SIPA1L3: variants seen among roughly 807,000 people sequenced by gnomAD.
SIPA1L3 encodes the protein signal-induced proliferation-associated 1-like protein 3.
Under a neutral mutation model 150.1 loss-of-function variants are expected in SIPA1L3, and 59 were observed. The ratio of observed to expected loss-of-function variants is 0.39; its 90% CI spans 0.32 to 0.49. SIPA1L3 has a LOEUF of 0.49. Ranked by LOEUF, SIPA1L3 falls within the 20% of genes least tolerant of loss-of-function variation. The pLI is 0.86. For synonymous variants in SIPA1L3, 1,070 were observed against 1,077.6 expected, an observed-to-expected ratio of 0.99 and a Z score of 0.14; for missense variants, 2,211 against 2,489.5, an observed-to-expected ratio of 0.89 and a Z score of 2.38.
intron 16 of SIPA1L3, chr19:38,185,856 G>T (rs1972665170): frequency 6.6e-6 from 1 of 152,108 alleles, no homozygotes; most frequent in East Asian, 1.9e-4. Context: ...GTCACATTTG[G>T]AGATGCTGGG....
At chr19:38,165,195 T>C (rs925124616) in intron 15 of SIPA1L3, among the ~76,000 whole-genome samples, 6 of 152,216 alleles carry the variant, frequency 3.9e-5, no homozygotes, top group Non-Finnish European at 5.9e-5. Flanking sequence ...TGCTCTCTGC[T>C]GATACCAAAA....
Position 38,204,214 on chromosome 19 carries a change from G to A in SIPA1L3, c.5202+6G>A, listed in dbSNP as rs1325446316. 23 of 1,552,716 alleles carry A rather than the reference G, an allele frequency of 1.5e-5. No homozygotes were observed. The Admixed American group carries it at 3.9e-4, about 26-fold the overall frequency. ...TGCACACTGACCTGCAGAAGGTAAG[G>A]CCGGGGGCCACGCCCTCTCCATCCC... On this transcript the variant is annotated splice_donor_region_variant and intron_variant, in intron 21 of 21. Transcript: ENST00000222345.
At chr19:38,136,745 GC>G (rs1370596741) in intron 10 of SIPA1L3, among the ~76,000 whole-genome samples, 1 of 152,222 alleles carries the variant, frequency 6.6e-6, no homozygotes, top group African/African-American at 2.4e-5. Flanking sequence ...CTGGGATGGG[GC>G]CCAGGAATCT....
intron 18 of SIPA1L3, among the ~76,000 whole-genome samples, chr19:38,196,950 T>C (rs183919432): frequency 1.8e-3 from 278 of 152,268 alleles, no homozygotes; most frequent in African/African-American, 6.1e-3. Flanking sequence ...TAAAAAATAG[T>C]GCCCACATCC....
chr19:38,153,965 A>C (rs1036140590), intron 13 of SIPA1L3, among the ~76,000 whole-genome samples: 9 of 152,118 alleles, frequency 5.9e-5, no homozygotes, highest in Admixed American at 2.0e-4. Context: ...TACATGATGA[A>C]GACACAGCCT....
intron 12 of SIPA1L3, among the ~76,000 whole-genome samples, chr19:38,151,314 C>T (rs1349789315): frequency 1.3e-5 from 2 of 152,232 alleles, no homozygotes; most frequent in Non-Finnish European, 2.9e-5. Flanking sequence ...AGCCCCTCCG[C>T]AGTTCCACTG....
At chr19:38,051,597 GT>G (rs977410723) in intron 2 of SIPA1L3, among the ~76,000 whole-genome samples, 1 of 151,968 alleles carries the variant, frequency 6.6e-6, no homozygotes, top group Non-Finnish European at 1.5e-5. Flanking sequence ...GTTTGGTTTG[GT>G]TTTTTTGTTT....
chr19:37,981,027 G>A (rs1284563699), intron 1 of SIPA1L3, among the ~76,000 whole-genome samples: 2 of 152,174 alleles, frequency 1.3e-5, no homozygotes, highest in African/African-American at 4.8e-5. Flanking sequence ...TGCATACACC[G>A]TGCTCAGTTC....
chr19:38,137,896 C>T (rs1049634839), intron 10 of SIPA1L3, among the ~76,000 whole-genome samples: 22 of 151,976 alleles, frequency 1.4e-4, no homozygotes, highest in Admixed American at 1.3e-3. Context: ...TTTGGGAGGC[C>T]GAGGTGGATG....
At chr19:38,154,030 T>C (rs1405182715) in intron 13 of SIPA1L3, among the ~76,000 whole-genome samples, 1 of 152,130 alleles carries the variant, frequency 6.6e-6, no homozygotes, top group Non-Finnish European at 1.5e-5. Context: ...ATGGCTAGCC[T>C]CTCCAAACCC....
intron 13 of SIPA1L3, among the ~76,000 whole-genome samples, chr19:38,154,166 T>A (rs903213463): frequency 1.3e-5 from 2 of 152,232 alleles, no homozygotes; most frequent in Non-Finnish European, 1.5e-5. Flanking sequence ...GTGTGTCTGG[T>A]TTCTGTCACT....
rs1350441591 is a variant in SIPA1L3, at chr19:38,082,489, C to T, written c.924C>T (p.Ser308=). The part of the protein sequence containing the change: ...DSSIFRKLRS[S]KPEGEAGRSP... ...CCATCTTTCGGAAGCTAAGGAGCAG[C>T]AAACCCGAGGGGGAGGCTGGGCGTT... Residue 308 remains serine, a synonymous_variant, in exon 3 of 22, where the codon AGC becomes AGT. Transcript: ENST00000222345. The T allele has an allele frequency of 6.9e-6, 11 of 1,593,284 alleles. No individual in the cohort carries two copies. The highest frequency in any genetic ancestry group is 9.4e-6 in the Non-Finnish European group (11 of 1,169,510).
intron 2 of SIPA1L3, among the ~76,000 whole-genome samples, chr19:38,076,282 A>T (rs986520300): frequency 6.6e-6 from 1 of 152,212 alleles, no homozygotes; most frequent in Non-Finnish European, 1.5e-5. Context: ...ACACAAATGC[A>T]TTCTAAAAAG....
At chr19:37,912,760 G>A (rs1225771806) in intron 1 of SIPA1L3, among the ~76,000 whole-genome samples, 1 of 152,184 alleles carries the variant, frequency 6.6e-6, no homozygotes. Flanking sequence ...GCCTACATGT[G>A]TTCTTTCAAA....
At chr19:38,092,076 A>G (rs1970271260) in intron 4 of SIPA1L3, among the ~76,000 whole-genome samples, 1 of 151,598 alleles carries the variant, frequency 6.6e-6, no homozygotes, top group Non-Finnish European at 1.5e-5. Context: ...AAAAAAAAAA[A>G]AAAGAAAATA....
Position 38,201,881 on chromosome 19 carries a change from C to T in SIPA1L3, c.5004C>T (p.Leu1668=), listed in dbSNP as rs758780670. Residue 1668 remains leucine, a synonymous_variant, in exon 20 of 22, where the codon CTC becomes CTT. Coordinates refer to ENST00000222345, the MANE Select transcript of SIPA1L3 (RefSeq NM_015073.3). ...KAYEVQRAVS[L]FSLNDPALSP... ...TGGCAGTGCAAAGAGCCGTCTCACT[C>T]TTCTCTCTGAACGACCCGGCCCTGA... 6.2e-7 allele frequency: 1 copy of T among 1,612,770 alleles called. No individual in the cohort carries two copies. Among genetic ancestry groups the T allele is most frequent in the East Asian group, 2.2e-5 (1 of 44,830 alleles).
chr19:37,950,999 A>G (rs2046758853), intron 1 of SIPA1L3, among the ~76,000 whole-genome samples: 1 of 152,242 alleles, frequency 6.6e-6, no homozygotes, highest in African/African-American at 2.4e-5. Flanking sequence ...TGGCCGCCCT[A>G]CAACCATTCA....
intron 15 of SIPA1L3, among the ~76,000 whole-genome samples, chr19:38,169,798 A>T (rs1382179810): frequency 2.0e-5 from 3 of 152,164 alleles, no homozygotes; most frequent in African/African-American, 7.2e-5. Context: ...CCAGACAGAG[A>T]CAGCCCAGAG....
chr19:38,179,138 A>G (rs1473527173), intron 15 of SIPA1L3, among the ~76,000 whole-genome samples: 2 of 152,234 alleles, frequency 1.3e-5, no homozygotes, highest in African/African-American at 2.4e-5. Flanking sequence ...CTTATACTGT[A>G]GTAAATAAAT....
Sources: gnomAD v4.1 joint callset for allele counts (sites outside exome capture counted in the v4.1 genomes callset) on GRCh38, gnomAD v4.1.1 for gene constraint, MANE v1.5 for transcripts, NCBI Gene and HGNC (gene_info 2026-07-23, HGNC 2026-07-21) for gene names.